NRG1: variants seen among roughly 807,000 people sequenced by gnomAD.
NRG1 encodes the protein neuregulin 1.
A neutral mutation model predicts 63.8 loss-of-function variants in NRG1; 18 were observed. The ratio of observed to expected loss-of-function variants is 0.28; its 90% CI spans 0.19 to 0.42. The LOEUF (loss-of-function observed/expected upper bound fraction) is 0.42, where lower values mean the gene tolerates loss of function less well. Ranked by LOEUF, NRG1 falls within the 10% of genes least tolerant of loss-of-function variation. NRG1 has a pLI of 1.00. For synonymous variants in NRG1, 302 were observed against 301.3 expected (o/e 1.00, Z -0.02); for missense variants, 762 against 814.7 (o/e 0.94, Z 0.79).
At chr8:32,432,389 G>A (rs1818255305) in intron 1 of NRG1, among the ~76,000 whole-genome samples, 1 of 152,102 alleles carries the variant, frequency 6.6e-6, no homozygotes, top group Admixed American at 6.6e-5. Flanking sequence ...AAAGAAATCT[G>A]AACCTAAGAG....
chr8:32,105,702 A>G (rs1252559171), intron 1 of NRG1, among the ~76,000 whole-genome samples: 1 of 152,184 alleles, frequency 6.6e-6, no homozygotes, highest in African/African-American at 2.4e-5. Context: ...GGATATTTGC[A>G]AGGCTTATAA....
At chr8:31,690,112 T>C (rs28615086) in intron 1 of NRG1, among the ~76,000 whole-genome samples, 34,335 of 152,100 alleles carry the variant, frequency 0.23, 4,368 homozygotes, top group East Asian at 0.58. Flanking sequence ...TCTAAGGGGC[T>C]TTTCCTCCTT....
intron 1 of NRG1, among the ~76,000 whole-genome samples, chr8:31,766,532 G>A (rs1018794814): frequency 7.9e-5 from 12 of 152,190 alleles, no homozygotes; most frequent in Non-Finnish European, 5.9e-5. Context: ...CCTAGGAAAT[G>A]TCAGTAGAGT....
intron 1 of NRG1, among the ~76,000 whole-genome samples, chr8:31,798,869 C>T (rs1821487671): frequency 6.6e-6 from 1 of 151,904 alleles, no homozygotes; most frequent in Admixed American, 6.6e-5. Context: ...TTTACTTCCT[C>T]CATAAAGTGC....
chr8:32,067,536 A>C (rs1471674311), intron 1 of NRG1, among the ~76,000 whole-genome samples: 2 of 152,126 alleles, frequency 1.3e-5, no homozygotes, highest in East Asian at 3.9e-4. Context: ...CCAGGGATGA[A>C]GCCCACTTGA....
At chr8:31,935,124 AT>A in intron 1 of NRG1, among the ~76,000 whole-genome samples, 1 of 150,622 alleles carries the variant, frequency 6.6e-6, no homozygotes, top group East Asian at 2.0e-4. Flanking sequence ...CTAAGTTTTT[AT>A]TTTTTGTATT....
intron 1 of NRG1, among the ~76,000 whole-genome samples, chr8:32,179,306 C>T (rs150931769): frequency 2.0e-4 from 30 of 151,272 alleles, no homozygotes; most frequent in East Asian, 2.0e-3. Flanking sequence ...CAAGAAAAGA[C>T]GCTTCACCTC....
chr8:32,198,933 C>G (rs1157131963), intron 1 of NRG1, among the ~76,000 whole-genome samples: 1 of 151,420 alleles, frequency 6.6e-6, no homozygotes, highest in Non-Finnish European at 1.5e-5. Flanking sequence ...TTATGAAAAC[C>G]TAGCTTTCTT....
intron 3 of NRG1, among the ~76,000 whole-genome samples, chr8:32,606,732 G>A (rs1203077082): frequency 6.6e-6 from 1 of 152,090 alleles, no homozygotes; most frequent in African/African-American, 2.4e-5. Flanking sequence ...ATATAACCAA[G>A]CCTAATTGCA....
At chr8:32,534,156 T>A (rs1163610011) in intron 1 of NRG1, among the ~76,000 whole-genome samples, 2 of 152,096 alleles carry the variant, frequency 1.3e-5, no homozygotes. Flanking sequence ...AATATGGTAA[T>A]GAGGAAATGC....
intron 1 of NRG1, among the ~76,000 whole-genome samples, chr8:32,588,652 G>A (rs1366048934): frequency 6.6e-6 from 1 of 152,150 alleles, no homozygotes. Flanking sequence ...CACATCGTTG[G>A]ATTACATAAG....
intron 1 of NRG1, among the ~76,000 whole-genome samples, chr8:32,008,004 T>G (rs1305387214): frequency 2.6e-5 from 4 of 151,976 alleles, no homozygotes; most frequent in Non-Finnish European, 5.9e-5. Flanking sequence ...TCATGAAAGC[T>G]TAAAAAGGCT....
intron 7 of NRG1, chr8:32,748,695 G>T (rs755804957): frequency 2.6e-5 from 12 of 456,256 alleles, no homozygotes; most frequent in Non-Finnish European, 4.8e-5. Flanking sequence ...TTCTGGAGAA[G>T]TGATTTCACT....
chr8:32,417,294 G>A (rs554578990), intron 1 of NRG1, among the ~76,000 whole-genome samples: 1 of 152,158 alleles, frequency 6.6e-6, no homozygotes, highest in East Asian at 1.9e-4. Flanking sequence ...AACAGCATAG[G>A]TATGTTGATC....
chr8:32,229,662 C>A (rs530610953), intron 1 of NRG1, among the ~76,000 whole-genome samples: 50 of 152,204 alleles, frequency 3.3e-4, no homozygotes, highest in African/African-American at 1.2e-3. Flanking sequence ...AGAGTCAATG[C>A]GGAAAACGCT....
At position 31,699,322 on chromosome 8, in the gene NRG1, T is replaced by A. The variant is rs536470587; in HGVS notation, c.37+59891T>A. On this transcript the variant is annotated intron_variant, in intron 1 of 10. Transcript: ENST00000519301. ...CCCAGGTAACACTTGTTGTTTTAAATCACTGGCCCAACATAGTCACATGAA... is the reference window on the plus strand; with the variant it reads ...CCCAGGTAACACTTGTTGTTTTAAAACACTGGCCCAACATAGTCACATGAA... Among the ~76,000 whole-genome samples, 5 of 152,266 alleles carry A rather than the reference T, an allele frequency of 3.3e-5. No homozygotes were observed. In the South Asian group the frequency reaches 1.0e-3, roughly 32 times the overall value.
intron 1 of NRG1, among the ~76,000 whole-genome samples, chr8:32,565,932 T>G (rs1373016126): frequency 6.6e-6 from 1 of 152,156 alleles, no homozygotes; most frequent in Non-Finnish European, 1.5e-5. Flanking sequence ...TAAGTGTTAC[T>G]GCTGGGTACT....
intron 1 of NRG1, among the ~76,000 whole-genome samples, chr8:32,537,180 A>G (rs1832074031): frequency 8.2e-6 from 1 of 122,576 alleles, no homozygotes. Flanking sequence ...TCAGTGGCAC[A>G]GTGAGACTCC....
At position 32,585,778 on chromosome 8, in the gene NRG1, G is replaced by A. The variant is rs144464985; in HGVS notation, c.101-10050G>A. Among the ~76,000 whole-genome samples, 52 of 152,296 alleles carry A rather than the reference G, an allele frequency of 3.4e-4. 1 individual carries two copies. The East Asian group carries it at 4.6e-3, about 14-fold the overall frequency. On this transcript the variant is annotated intron_variant, in intron 1 of 11. Coordinates refer to ENST00000356819, the Ensembl canonical transcript of NRG1. ...GTATTTCTCAGACTGTCTTTTGCAC[G>A]TGGAATAAGTGCAGAAATAATGTCA...
Sources: gnomAD v4.1 joint callset for allele counts (sites outside exome capture counted in the v4.1 genomes callset) on GRCh38, gnomAD v4.1.1 for gene constraint, MANE v1.5 for transcripts, NCBI Gene and HGNC (gene_info 2026-07-23, HGNC 2026-07-21) for gene names.